Variants in AGAP1 observed in about 807,000 individuals in gnomAD.
The protein encoded by AGAP1 is ArfGAP with GTPase domain, ankyrin repeat and PH domain 1, also known as arf-GAP with GTPase, ANK repeat and PH domain-containing protein 1.
AGAP1 carries 29 observed loss-of-function variants against 105.3 expected under a neutral mutation model. The observed-to-expected ratio is 0.28, with a 90% CI of 0.21 to 0.38. AGAP1 has a LOEUF of 0.38. AGAP1 is among the 10% of genes least tolerant of loss of function. AGAP1 has a pLI of 1.00. For synonymous variants in AGAP1, 509 were observed against 485.9 expected (o/e 1.05, Z -0.63); for missense variants, 998 against 1,165.1 (o/e 0.86, Z 2.09).
At chr2:235,924,449 A>G (rs1024634729) in intron 11 of AGAP1, among the ~76,000 whole-genome samples, 3 of 152,124 alleles carry the variant, frequency 2.0e-5, no homozygotes, top group Admixed American at 6.5e-5. Flanking sequence ...ATTGTGCCCA[A>G]TGCAGTAGGG....
rs1271746558 is a variant in AGAP1, at chr2:236,089,211, T to G, written c.2115-30981T>G. Among the ~76,000 whole-genome samples the G allele has an allele frequency of 6.6e-6, 1 of 152,228 alleles. No homozygotes were observed. Among genetic ancestry groups the G allele is most frequent in the Admixed American group, 6.5e-5 (1 of 15,284 alleles). ...GGTCTTTTCAAAGCACATACAGTTG[T>G]GTGATTTTTATTTCCCCAAGAAAAA... On this transcript the variant is annotated intron_variant, in intron 16 of 17. Coordinates refer to ENST00000304032, the MANE Select transcript of AGAP1 (RefSeq NM_001037131.3). This position sits in a 1 kb window ranked among gnomAD's most constrained non-coding sequence, Gnocchi z 5.6.
intron 9 of AGAP1, among the ~76,000 whole-genome samples, chr2:235,858,513 G>C (rs972410238): frequency 6.6e-6 from 1 of 152,134 alleles, no homozygotes; most frequent in Non-Finnish European, 1.5e-5. Context: ...GATGCAGTAG[G>C]TTAGGGGGAA....
At chr2:235,832,214 T>C (rs1959502095) in intron 9 of AGAP1, among the ~76,000 whole-genome samples, 1 of 152,194 alleles carries the variant, frequency 6.6e-6, no homozygotes, top group Admixed American at 6.5e-5. Flanking sequence ...TAATATTCCT[T>C]TTCAGATGTG....
chr2:235,695,614 G>A (rs1050410212), intron 1 of AGAP1, among the ~76,000 whole-genome samples: 8 of 152,156 alleles, frequency 5.3e-5, no homozygotes, highest in African/African-American at 1.7e-4. Context: ...ACAGTATTTG[G>A]TGGGGCCTAG....
intron 1 of AGAP1, among the ~76,000 whole-genome samples, chr2:235,658,647 G>T (rs1249544912): frequency 6.6e-6 from 1 of 152,178 alleles, no homozygotes; most frequent in Non-Finnish European, 1.5e-5. Flanking sequence ...GGCTTCCCTG[G>T]AGCTGTTGGC....
In AGAP1 at chr2:235,971,933, G is replaced by A. The variant is rs865805840; in HGVS notation, c.1645+3310G>A. Among the ~76,000 whole-genome samples the A allele has an allele frequency of 5.2e-4, 79 of 151,302 alleles. No individual in the cohort carries two copies. Among genetic ancestry groups the A allele is most frequent in the African/African-American group, 1.9e-3 (78 of 41,242 alleles). ...AGCTGGGACCACAGGCAGGCACCAC[G>A]ACACCTGGCTAATTTTTTGTATTTT... On this transcript the variant is annotated intron_variant, in intron 13 of 17. Transcript: ENST00000304032. This position sits in a 1 kb window ranked among gnomAD's most constrained non-coding sequence, Gnocchi z 4.8.
intron 6 of AGAP1, among the ~76,000 whole-genome samples, chr2:235,771,999 CT>C (rs961967325): frequency 6.0e-4 from 81 of 135,072 alleles, no homozygotes; most frequent in African/African-American, 7.7e-4. Context: ...CTTTTCTTAT[CT>C]TTTTTTTTTT....
At chr2:235,860,758 T>C (rs1210038533) in intron 9 of AGAP1, among the ~76,000 whole-genome samples, 3 of 152,236 alleles carry the variant, frequency 2.0e-5, no homozygotes, top group Admixed American at 6.5e-5. Context: ...GCCGTTCTTT[T>C]TTGAGTAATC....
chr2:235,995,023 C>T lies in AGAP1; in HGVS notation c.1645+26400C>T, dbSNP rs534270112. The stretch of plus-strand genomic sequence containing the variant: ...CAGAGGTTGCAGTGAGCCGAGATCG[C>T]GCCTTGCACTCCAACCAGGGAGACA... On this transcript the variant is annotated intron_variant, in intron 13 of 17. Coordinates refer to ENST00000304032, the MANE Select transcript of AGAP1 (RefSeq NM_001037131.3). Among the ~76,000 whole-genome samples, 419 of 63,410 alleles carry T rather than the reference C, an allele frequency of 6.6e-3. 3 individuals are homozygous for T. Among genetic ancestry groups the T allele is most frequent in the African/African-American group, 0.025 (392 of 15,500 alleles). The allele number at this position is 63,410 out of a possible 152,430, so 41.6% of individuals were successfully genotyped here. A position where few individuals can be genotyped will look rare whatever the true frequency, so the allele number is the denominator to read the frequency against.
intron 1 of AGAP1, among the ~76,000 whole-genome samples, chr2:235,652,441 T>C (rs1947627011): frequency 6.6e-6 from 1 of 152,124 alleles, no homozygotes. Flanking sequence ...GCAAGTCACC[T>C]GTCTGTGGGT....
chr2:235,795,147 T>A (rs1434904649), intron 6 of AGAP1, among the ~76,000 whole-genome samples: 1 of 152,172 alleles, frequency 6.6e-6, no homozygotes. Flanking sequence ...TCCACTCACA[T>A]AGACACACCA....
intron 1 of AGAP1, among the ~76,000 whole-genome samples, chr2:235,598,416 TG>T (rs1945614003): frequency 6.6e-6 from 1 of 152,234 alleles, no homozygotes; most frequent in African/African-American, 2.4e-5. Flanking sequence ...AGTTTGGTGA[TG>T]TTTTTGTGAC....
intron 9 of AGAP1, among the ~76,000 whole-genome samples, chr2:235,862,033 C>T (rs1199552332): frequency 6.6e-6 from 1 of 152,110 alleles, no homozygotes; most frequent in Non-Finnish European, 1.5e-5. Flanking sequence ...ACCAGGAGTG[C>T]CTCCTTCAGC....
At position 235,723,296 on chromosome 2, in the gene AGAP1, A is replaced by AT. The variant is rs1951478104; in HGVS notation, c.310+5653dup. On this transcript the variant is annotated intron_variant, in intron 3 of 17. Coordinates refer to ENST00000304032, the MANE Select transcript of AGAP1 (RefSeq NM_001037131.3). The surrounding 1 kb of genome is among the most constrained non-coding windows in gnomAD (Gnocchi z 6.2). ...ATGTGACTTCCCTCGTGGTGTGTTT[A>AT]TGTGCTTAATATTCAGCGTCCCCCA... Among the ~76,000 whole-genome samples, 1 of 152,158 alleles carries AT rather than the reference A, an allele frequency of 6.6e-6. No homozygotes were observed. Among genetic ancestry groups the AT allele is most frequent in the African/African-American group, 2.4e-5 (1 of 41,426 alleles).
intron 1 of AGAP1, among the ~76,000 whole-genome samples, chr2:235,496,560 C>G (rs1941327701): frequency 6.6e-6 from 1 of 152,190 alleles, no homozygotes; most frequent in East Asian, 1.9e-4. Flanking sequence ...TGATGAAACA[C>G]TGTGAAAGCC....
At position 236,036,434 on chromosome 2, in the gene AGAP1, A is replaced by G; in HGVS notation, c.1646-127A>G. ...CAAATCTCCGCCGCCGTGGTTGTCC[A>G]GTGCCGTGCGCCTCACCGGTCCATG... is the stretch of plus-strand genomic sequence containing the variant. On this transcript the variant is annotated intron_variant, in intron 13 of 17. Coordinates refer to ENST00000304032, the MANE Select transcript of AGAP1 (RefSeq NM_001037131.3). This position sits in a 1 kb window ranked among gnomAD's most constrained non-coding sequence, Gnocchi z 5.7. 3 of 1,262,966 alleles carry G rather than the reference A, an allele frequency of 2.4e-6. No individual in the cohort carries two copies. Among genetic ancestry groups the G allele is most frequent in the East Asian group, 2.3e-5 (1 of 42,968 alleles). 78.2% of individuals were successfully genotyped at this position (1,262,966 alleles called of 1,614,324 possible). A position where few individuals can be genotyped will look rare whatever the true frequency, so the allele number is the denominator to read the frequency against.
Position 235,793,848 on chromosome 2 carries a change from A to G in AGAP1, c.674-3911A>G, listed in dbSNP as rs770263381. On this transcript the variant is annotated intron_variant, in intron 6 of 17. Coordinates refer to ENST00000304032, the MANE Select transcript of AGAP1 (RefSeq NM_001037131.3). This position sits in a 1 kb window ranked among gnomAD's most constrained non-coding sequence, Gnocchi z 5.3. The stretch of plus-strand genomic sequence containing the variant: ...TTTGGGAGCTGTTGTCTTATTTTTA[A>G]CCACTAATTAAAGGGTGCTATTTCC... 2.6e-5 allele frequency among the ~76,000 whole-genome samples: 4 copies of G among 152,200 alleles called. No homozygotes were observed. Among genetic ancestry groups the G allele is most frequent in the Non-Finnish European group, 4.4e-5 (3 of 68,018 alleles).
chr2:235,629,443 C>T (rs570718497), intron 1 of AGAP1, among the ~76,000 whole-genome samples: 1 of 152,006 alleles, frequency 6.6e-6, no homozygotes, highest in Admixed American at 6.5e-5. Flanking sequence ...AGGCTCTGGC[C>T]CTAGTCAGAC....
At chr2:235,695,787 G>C (rs897909505) in intron 1 of AGAP1, among the ~76,000 whole-genome samples, 2 of 152,204 alleles carry the variant, frequency 1.3e-5, no homozygotes, top group Admixed American at 1.3e-4. Context: ...GAGCATCTGA[G>C]CTCCAAGCCC....
Sources: allele counts gnomAD v4.1 joint callset (sites outside exome capture counted in the v4.1 genomes callset), GRCh38; gene constraint gnomAD v4.1.1; non-coding constraint Gnocchi (gnomAD v3.1); transcripts MANE v1.5; gene names NCBI Gene and HGNC (gene_info 2026-07-23, HGNC 2026-07-21).